Variants in TBC1D5 observed in about 807,000 individuals in gnomAD.
TBC1D5 encodes the protein TBC1 domain family, member 5.
In TBC1D5, 75 loss-of-function variants were observed where a neutral mutation model predicts 100.3. The observed-to-expected ratio is 0.75, with a 90% CI of 0.62 to 0.91. TBC1D5 has a LOEUF of 0.91. TBC1D5 is among the 40% of genes least tolerant of loss of function. The pLI is 0.00. For synonymous variants in TBC1D5, 323 were observed against 325.6 expected, an observed-to-expected ratio of 0.99 and a Z score of 0.09; for missense variants, 910 against 942.4, an observed-to-expected ratio of 0.97 and a Z score of 0.45.
intron 2 of TBC1D5, among the ~76,000 whole-genome samples, chr3:17,604,471 T>C (rs149557435): frequency 1.3e-5 from 2 of 152,318 alleles, no homozygotes; most frequent in African/African-American, 4.8e-5. Flanking sequence ...TTGAAAGAGA[T>C]TGGTAAATCA....
intron 14 of TBC1D5, among the ~76,000 whole-genome samples, chr3:17,304,121 C>T (rs574848817): frequency 1.3e-5 from 2 of 152,296 alleles, no homozygotes; most frequent in South Asian, 4.1e-4. Context: ...CCTGCATCAG[C>T]ACCAGCTTTT....
At chr3:17,533,427 T>C (rs1163794481) in intron 2 of TBC1D5, among the ~76,000 whole-genome samples, 3 of 152,076 alleles carry the variant, frequency 2.0e-5, no homozygotes, top group African/African-American at 7.2e-5. Context: ...CAAATCCTAA[T>C]ATGGGGGGAT....
At chr3:17,170,113 AC>A (rs2125193957) in intron 19 of TBC1D5, among the ~76,000 whole-genome samples, 1 of 152,258 alleles carries the variant, frequency 6.6e-6, no homozygotes, top group African/African-American at 2.4e-5. Context: ...AGGAGTGGGA[AC>A]CCCTGTTTTA....
At chr3:17,177,110 T>G (rs2067849430) in intron 19 of TBC1D5, among the ~76,000 whole-genome samples, 1 of 152,156 alleles carries the variant, frequency 6.6e-6, no homozygotes, top group Admixed American at 6.5e-5. Context: ...GGTATTAAAT[T>G]TTTTTAAAAA....
intron 13 of TBC1D5, among the ~76,000 whole-genome samples, chr3:17,329,353 A>G (rs1465805379): frequency 1.3e-5 from 2 of 152,220 alleles, no homozygotes; most frequent in Non-Finnish European, 2.9e-5. Context: ...AGGTACAAAT[A>G]AATAAGCTAT....
At chr3:17,263,369 A>G (rs77682646) in intron 15 of TBC1D5, among the ~76,000 whole-genome samples, 1 of 77,674 alleles carries the variant, frequency 1.3e-5, no homozygotes, top group African/African-American at 4.1e-5. Flanking sequence ...CTGTCTCCAA[A>G]AAAAAAAAAA....
chr3:17,337,551 C>T (rs1237913022), intron 13 of TBC1D5: 1 of 152,116 alleles, frequency 6.6e-6, no homozygotes, highest in African/African-American at 2.4e-5. Flanking sequence ...AATCTTGGAT[C>T]CTTAATTGAG....
intron 2 of TBC1D5, among the ~76,000 whole-genome samples, chr3:17,591,260 A>C (rs1050013990): frequency 2.9e-4 from 34 of 117,052 alleles, no homozygotes; most frequent in African/African-American, 8.6e-4. Flanking sequence ...AAAAAAAAAA[A>C]AAAAAACAAA....
intron 15 of TBC1D5, among the ~76,000 whole-genome samples, chr3:17,291,694 G>T (rs995401694): frequency 6.6e-6 from 1 of 152,196 alleles, no homozygotes; most frequent in Admixed American, 6.5e-5. Context: ...AGTTTCTCAT[G>T]GCAAGGTCTA....
chr3:17,311,496 C>T (rs1397227979), intron 13 of TBC1D5, among the ~76,000 whole-genome samples: 1 of 152,014 alleles, frequency 6.6e-6, no homozygotes, highest in Non-Finnish European at 1.5e-5. Flanking sequence ...AATTAAGCTG[C>T]TATTCCCAGG....
At chr3:17,625,803 TATC>T (rs1468460079) in intron 1 of TBC1D5, among the ~76,000 whole-genome samples, 9 of 152,100 alleles carry the variant, frequency 5.9e-5, no homozygotes, top group Non-Finnish European at 1.3e-4. Flanking sequence ...ATGCATAACA[TATC>T]TACTTTCAAT....
intron 13 of TBC1D5, among the ~76,000 whole-genome samples, chr3:17,350,332 T>C (rs2090413494): frequency 6.6e-6 from 1 of 152,096 alleles, no homozygotes; most frequent in African/African-American, 2.4e-5. Flanking sequence ...TGACAAAGAA[T>C]AAAAGTGATA....
At chr3:17,528,065 G>T (rs1458570552) in intron 2 of TBC1D5, among the ~76,000 whole-genome samples, 3 of 151,922 alleles carry the variant, frequency 2.0e-5, no homozygotes, top group Non-Finnish European at 2.9e-5. Context: ...AGGGGGGGCT[G>T]GGAGGGGTGG....
At chr3:17,404,466 G>A (rs975762370) in intron 7 of TBC1D5, among the ~76,000 whole-genome samples, 1 of 151,866 alleles carries the variant, frequency 6.6e-6, no homozygotes, top group Non-Finnish European at 1.5e-5. Flanking sequence ...ACAGAATCCC[G>A]AGATTTCTTG....
chr3:17,650,598 A>G (rs190405703), intron 1 of TBC1D5, among the ~76,000 whole-genome samples: 1 of 152,326 alleles, frequency 6.6e-6, no homozygotes, highest in East Asian at 1.9e-4. Flanking sequence ...AAAGACAAAA[A>G]AAAAGTCATA....
At chr3:17,705,648 T>C (rs1347852414) in intron 1 of TBC1D5, among the ~76,000 whole-genome samples, 1 of 96,338 alleles carries the variant, frequency 1.0e-5, no homozygotes, top group Non-Finnish European at 2.1e-5. Context: ...TCTCAGACGA[T>C]GGGCGGCCGG....
At chr3:17,622,089 T>C (rs140446719) in intron 2 of TBC1D5, among the ~76,000 whole-genome samples, 1 of 152,292 alleles carries the variant, frequency 6.6e-6, no homozygotes, top group South Asian at 2.1e-4. Flanking sequence ...AGTTTTTCCA[T>C]GAATGGGAAG....
chr3:17,207,596 G>T (rs2072382317), intron 18 of TBC1D5, among the ~76,000 whole-genome samples: 1 of 152,096 alleles, frequency 6.6e-6, no homozygotes. Context: ...CCAAATCATG[G>T]GCATTAACAG....
chr3:17,299,251 T>C (rs890654158), intron 14 of TBC1D5, among the ~76,000 whole-genome samples: 11 of 152,196 alleles, frequency 7.2e-5, no homozygotes, highest in African/African-American at 2.2e-4. Context: ...GGAAGATTCA[T>C]GTCCAGGGCA....
Sources: allele counts gnomAD v4.1 joint callset (sites outside exome capture counted in the v4.1 genomes callset), GRCh38; gene constraint gnomAD v4.1.1; transcripts MANE v1.5; gene names NCBI Gene and HGNC (gene_info 2026-07-23, HGNC 2026-07-21).